BIRC6: variants seen among roughly 807,000 people sequenced by gnomAD.
The protein encoded by BIRC6 is baculoviral IAP repeat containing 6, also known as dual E2 ubiquitin-conjugating enzyme/E3 ubiquitin-protein ligase BIRC6.
Under a neutral mutation model 503.3 loss-of-function variants are expected in BIRC6, and 98 were observed. The ratio of observed to expected loss-of-function variants is 0.19; its 90% CI spans 0.17 to 0.23. The LOEUF (loss-of-function observed/expected upper bound fraction) is 0.23. BIRC6 is among the 10% of genes least tolerant of loss of function. The pLI is 1.00. For missense variants in BIRC6, 5,360 were observed against 5,806.0 expected (o/e 0.92, Z 2.50); for synonymous variants, 2,240 against 2,078.7 (o/e 1.08, Z -2.11).
chr2:32,494,652 G>A lies in BIRC6; in HGVS notation c.8468+985G>A, dbSNP rs1000997022. Among the ~76,000 whole-genome samples the A allele has an allele frequency of 9.9e-5, 15 of 151,984 alleles. No homozygotes were observed. The East Asian group carries it at 1.4e-3, about 14-fold the overall frequency. On this transcript the variant is annotated intron_variant, in intron 45 of 73. Coordinates refer to ENST00000421745, the MANE Select transcript of BIRC6 (RefSeq NM_016252.4). ...CTCAGTGGCTCACGCCTGTAATCCC[G>A]GCACCCTGGGAGGCTGAGGCGGGAA...
At chr2:32,460,331 T>A (rs546148448) in intron 23 of BIRC6, among the ~76,000 whole-genome samples, 51 of 127,172 alleles carry the variant, frequency 4.0e-4, no homozygotes, top group African/African-American at 1.5e-3. Flanking sequence ...CAGGCTGGAG[T>A]GATGGCACAA....
rs144073331 is a variant in BIRC6 at position 32,510,581 on chromosome 2, G to A, written c.10293G>A (p.Thr3431=). Residue 3431 remains threonine (T), a synonymous_variant, in exon 53 of 74, where the codon ACG becomes ACA. Coordinates refer to ENST00000421745, the MANE Select transcript of BIRC6 (RefSeq NM_016252.4). The part of the protein sequence containing the change: ...GRLNGLSSDS[T]IDILYQLGTT... ...TAAATGGACTCTCTTCTGACTCTAC[G>A]ATAGATATTCTTTACCAGCTTGGAA... The A allele has an allele frequency of 1.8e-4, 291 of 1,610,174 alleles. No individual in the cohort carries two copies. Among genetic ancestry groups the A allele is most frequent in the Non-Finnish European group, 2.3e-4 (273 of 1,176,612 alleles).
In BIRC6 at chr2:32,501,827, C is replaced by T. The variant is rs773903205; in HGVS notation, c.9146C>T (p.Thr3049Ile). Residue 3049 changes from threonine to isoleucine, a missense_variant, in exon 47 of 74, where the codon ACA becomes ATA. Thr to Ile is a moderately conservative substitution (Grantham distance 89). This residue lies in a region of BIRC6 where 267 missense variants were observed against 287.6 expected (regional missense o/e 0.93). Transcript: ENST00000421745. ...ACAACCCTTAGTAAAAAAGCTTCTA[C>T]AGTCCACATGATGCTGCAGCCAATT... ...ILTTLSKKASTVHMMLQPILT... is the reference protein window; with the variant it reads ...ILTTLSKKASIVHMMLQPILT... 6.2e-7 allele frequency: 1 copy of T among 1,613,924 alleles called. No individual in the cohort carries two copies. Among genetic ancestry groups the T allele is most frequent in the South Asian group, 1.1e-5 (1 of 91,072 alleles).
chr2:32,490,536 A>G (rs2051570758), intron 43 of BIRC6, among the ~76,000 whole-genome samples: 1 of 152,178 alleles, frequency 6.6e-6, no homozygotes, highest in Non-Finnish European at 1.5e-5. Flanking sequence ...CTCTGTCTCC[A>G]ATAAAAGTGA....
intron 10 of BIRC6, among the ~76,000 whole-genome samples, chr2:32,426,684 G>T (rs1157049530): frequency 1.3e-5 from 2 of 152,180 alleles, no homozygotes; most frequent in Non-Finnish European, 2.9e-5. Flanking sequence ...AGTTGGCAAA[G>T]AAATGAGAAA....
chr2:32,383,753 AACTCCTG>A (rs1269383461), intron 3 of BIRC6, among the ~76,000 whole-genome samples: 1 of 152,042 alleles, frequency 6.6e-6, no homozygotes, highest in African/African-American at 2.4e-5. Context: ...GCTGGTCTTG[AACTCCTG>A]ACCTCAGGTG....
Position 32,429,153 on chromosome 2 carries a change from G to A in BIRC6, c.2880G>A (p.Glu960=). ...AAATTTACTACACTGTAGGTGGTGA[G>A]CTTCATTTTCTCCAAATTGGAGGAA... The part of the protein sequence containing the change: ...DRLCACTKGG[E]LHFLQIGGTC... The change falls in exon 11 of 74, where the codon GAG becomes GAA. Residue 960 remains glutamate (E), a synonymous_variant. Transcript: ENST00000421745. The A allele has an allele frequency of 3.1e-6, 5 of 1,589,242 alleles. No individual in the cohort carries two copies. The highest frequency in any genetic ancestry group is 1.3e-5 in the African/African-American group (1 of 74,418).
intron 65 of BIRC6, chr2:32,557,959 A>T: frequency 6.6e-6 from 1 of 152,198 alleles, no homozygotes. Flanking sequence ...ATTGCTAGAA[A>T]ATACTAGTAA....
At chr2:32,528,979 C>T (rs1393381308) in intron 59 of BIRC6, 1 of 151,864 alleles carries the variant, frequency 6.6e-6, no homozygotes, top group African/African-American at 2.4e-5. Context: ...AAATCTGAAA[C>T]AGTTCTAGTC....
rs143734081 is a variant in BIRC6, at chr2:32,531,398, C to T, written c.12138C>T (p.Leu4046=). ...CTAGCTGTCCAGAAGATGAGGCTCT[C>T]ACTCCAGGTGATGAATGCATGGATG... The part of the protein sequence containing the change: ...LLASCPEDEA[L]TPGDECMDGI... Residue 4046 remains leucine, a synonymous_variant, in exon 61 of 74, where the codon CTC becomes CTT. Coordinates refer to ENST00000421745, the MANE Select transcript of BIRC6 (RefSeq NM_016252.4). 2.4e-4 allele frequency: 384 copies of T among 1,613,606 alleles called. No individual in the cohort carries two copies. The highest frequency in any genetic ancestry group is 3.1e-4 in the Non-Finnish European group (371 of 1,179,762).
intron 73 of BIRC6, among the ~76,000 whole-genome samples, chr2:32,615,017 C>G (rs186725846): frequency 6.6e-6 from 1 of 152,250 alleles, no homozygotes; most frequent in East Asian, 1.9e-4. Flanking sequence ...CTGGCATTTA[C>G]TCTGCTTCTG....
intron 9 of BIRC6, among the ~76,000 whole-genome samples, chr2:32,410,849 C>A (rs7570778): frequency 1.3e-5 from 2 of 151,448 alleles, no homozygotes; most frequent in African/African-American, 4.9e-5. Flanking sequence ...TGCCGGTGCC[C>A]GCCAGCACGC....
At position 32,501,819 on chromosome 2, in the gene BIRC6, A is replaced by C; in HGVS notation, c.9138A>C (p.Lys3046Asn). ...LFTILTTLSKKASTVHMMLQP... is the reference protein window; with the variant it reads ...LFTILTTLSKNASTVHMMLQP... ...CCATACTGACAACCCTTAGTAAAAA[A>C]GCTTCTACAGTCCACATGATGCTGC... is the stretch of plus-strand genomic sequence containing the variant. The change falls in exon 47 of 74, where the codon AAA (lysine) becomes AAC (asparagine). Residue 3046 changes from lysine (K) to asparagine (N), a missense_variant. Coordinates refer to ENST00000421745, the MANE Select transcript of BIRC6 (RefSeq NM_016252.4). The C allele has an allele frequency of 1.9e-6, 3 of 1,613,970 alleles. No homozygotes were observed. In the South Asian group the frequency reaches 3.3e-5, roughly 18 times the overall value.
intron 3 of BIRC6, among the ~76,000 whole-genome samples, chr2:32,385,103 A>G (rs1177026593): frequency 1.3e-5 from 2 of 152,178 alleles, no homozygotes; most frequent in South Asian, 2.1e-4. Flanking sequence ...AGTTCTATCT[A>G]TTGAGAAGAT....
intron 45 of BIRC6, among the ~76,000 whole-genome samples, chr2:32,497,885 A>G (rs1322888886): frequency 6.6e-6 from 1 of 152,206 alleles, no homozygotes; most frequent in Non-Finnish European, 1.5e-5. Context: ...TATATAGACT[A>G]TATAGACTAC....
chr2:32,462,899 G>GA (rs1344387300), intron 23 of BIRC6, among the ~76,000 whole-genome samples: 2 of 148,452 alleles, frequency 1.3e-5, no homozygotes, highest in Non-Finnish European at 3.0e-5. Flanking sequence ...AGGTTGCAGT[G>GA]AACCAAGATC....
chr2:32,483,888 A>C (rs913529017), intron 39 of BIRC6, among the ~76,000 whole-genome samples: 6 of 152,200 alleles, frequency 3.9e-5, no homozygotes, highest in African/African-American at 1.4e-4. Context: ...TAACCACTTG[A>C]TGAATGAGTT....
intron 51 of BIRC6, 51 bp downstream of exon 51, chr2:32,508,310 G>C (rs111535941): frequency 7.3e-7 from 1 of 1,376,054 alleles, no homozygotes; most frequent in Non-Finnish European, 9.3e-7. Flanking sequence ...TTTTGGCATG[G>C]TTGGGAGATA....
chr2:32,465,223 T>G (rs1031226539), intron 26 of BIRC6, 59 bp downstream of exon 26: 13 of 808,664 alleles, frequency 1.6e-5, no homozygotes, highest in Non-Finnish European at 2.0e-5. Context: ...TGCCGGCCTT[T>G]TAAAGACTCA....
Sources: allele counts gnomAD v4.1 joint callset (sites outside exome capture counted in the v4.1 genomes callset), GRCh38; gene constraint gnomAD v4.1.1; regional missense constraint gnomAD v4.1.1; transcripts MANE v1.5; gene names NCBI Gene and HGNC (gene_info 2026-07-23, HGNC 2026-07-21).